Variants in ANKS1B observed in about 807,000 individuals in gnomAD.
ANKS1B encodes ankyrin repeat and sterile alpha motif domain containing 1B.
Under a neutral mutation model 148.3 loss-of-function variants are expected in ANKS1B, and 36 were observed. That is an observed-to-expected ratio of 0.24 (90% CI 0.19 to 0.32). The LOEUF (loss-of-function observed/expected upper bound fraction) is 0.32, where lower values mean the gene tolerates loss of function less well. Among genes scored for constraint, ANKS1B ranks in the 10% least tolerant of loss-of-function variants. The pLI, the probability that ANKS1B is intolerant of heterozygous loss-of-function variation, is 1.00. For missense variants in ANKS1B, 1,157 were observed against 1,542.6 expected (o/e 0.75, Z 4.19); for synonymous variants, 542 against 560.8 (o/e 0.97, Z 0.47).
rs73151170 is a variant in ANKS1B, at chr12:99,403,282, G to A, written c.1576-3471C>T. Among the ~76,000 whole-genome samples the A allele has an allele frequency of 3.9e-4, 54 of 137,606 alleles. 4 individuals are homozygous for A. Among genetic ancestry groups the A allele is most frequent in the Non-Finnish European group, 6.9e-4 (44 of 64,170 alleles). The allele number at this position is 137,606 out of a possible 152,430, so 90.3% of individuals were successfully genotyped here. On this transcript the variant is annotated intron_variant, in intron 11 of 26. Transcript: ENST00000683438. Reference sequence around the variant, plus strand: ...AGTGATTCTTGTGCCTCAGGGCCTCGAGTAGCTGGGATTACAGGCAAGCAT... The same window carrying A: ...AGTGATTCTTGTGCCTCAGGGCCTCAAGTAGCTGGGATTACAGGCAAGCAT...
At chr12:99,346,928 A>G (rs377527964) in intron 12 of ANKS1B, among the ~76,000 whole-genome samples, 6 of 151,962 alleles carry the variant, frequency 3.9e-5, no homozygotes, top group African/African-American at 1.4e-4. Context: ...CCAGTGGAAG[A>G]GGTTTATAGT....
intron 15 of ANKS1B, among the ~76,000 whole-genome samples, chr12:99,121,185 C>T (rs2062720687): frequency 6.6e-6 from 1 of 150,688 alleles, no homozygotes; most frequent in African/African-American, 2.4e-5. Flanking sequence ...TAAGGTAAAT[C>T]CAGGGTAGTG....
chr12:99,955,200 G>A (rs1482018806), intron 1 of ANKS1B, among the ~76,000 whole-genome samples: 1 of 151,944 alleles, frequency 6.6e-6, no homozygotes, highest in East Asian at 1.9e-4. Context: ...AACATAACCT[G>A]ACTAATCCTA....
chr12:98,836,472 GAAATCC>G (rs1333061432), intron 17 of ANKS1B, among the ~76,000 whole-genome samples: 1 of 152,140 alleles, frequency 6.6e-6, no homozygotes, highest in African/African-American at 2.4e-5. Flanking sequence ...TTGACAGTAA[GAAATCC>G]AATTGGCAAA....
chr12:99,444,718 T>A (rs965117037), intron 10 of ANKS1B, among the ~76,000 whole-genome samples: 2 of 151,852 alleles, frequency 1.3e-5, no homozygotes, highest in African/African-American at 4.8e-5. Flanking sequence ...GCCAAAAAAA[T>A]AAAAAATAAA....
At chr12:99,056,554 A>T (rs1409979229) in intron 16 of ANKS1B, among the ~76,000 whole-genome samples, 1 of 152,204 alleles carries the variant, frequency 6.6e-6, no homozygotes, top group Non-Finnish European at 1.5e-5. Context: ...GTACCTTTGT[A>T]TAAAAGCCTG....
At chr12:99,104,552 A>G (rs2058713584) in intron 15 of ANKS1B, 1 of 152,192 alleles carries the variant, frequency 6.6e-6, no homozygotes, top group Non-Finnish European at 1.5e-5. Flanking sequence ...CTATGAGCCC[A>G]TATATCCTTC....
At chr12:98,779,113 CT>C (rs2153506728) in intron 24 of ANKS1B, among the ~76,000 whole-genome samples, 1 of 152,326 alleles carries the variant, frequency 6.6e-6, no homozygotes, top group East Asian at 1.9e-4. Context: ...AAAAAATATG[CT>C]GACCTTCTTT....
intron 1 of ANKS1B, among the ~76,000 whole-genome samples, chr12:99,948,973 C>G (rs959756652): frequency 2.6e-5 from 4 of 152,064 alleles, no homozygotes; most frequent in Non-Finnish European, 5.9e-5. Context: ...GAGAAGCACA[C>G]AAATGACTAT....
intron 19 of ANKS1B, among the ~76,000 whole-genome samples, chr12:98,823,012 G>T (rs1185598756): frequency 6.6e-6 from 1 of 152,194 alleles, no homozygotes; most frequent in Non-Finnish European, 1.5e-5. Flanking sequence ...GGGTGTATTT[G>T]CTAAAAGAAA....
In ANKS1B at chr12:98,788,230, C is replaced by T. The variant is rs1049508595; in HGVS notation, c.3343-6093G>A. On this transcript the variant is annotated intron_variant, in intron 22 of 26. Coordinates refer to ENST00000683438, the MANE Select transcript of ANKS1B (RefSeq NM_001352186.2). ...GACCAGCCGGACCAACATGGTGAAA[C>T]CCCCCATCTCTAGAAAAGAGAAGAA... 7.5e-5 allele frequency among the ~76,000 whole-genome samples: 11 copies of T among 147,182 alleles called. 1 individual carries two copies. Among genetic ancestry groups the T allele is most frequent in the Admixed American group, 2.1e-4 (3 of 14,466 alleles).
At chr12:99,483,248 T>C (rs1435271433) in intron 10 of ANKS1B, among the ~76,000 whole-genome samples, 2 of 152,058 alleles carry the variant, frequency 1.3e-5, no homozygotes, top group Non-Finnish European at 2.9e-5. Context: ...TCTGCATCTA[T>C]TGAGATGATC....
At chr12:99,921,006 A>T (rs1603458870) in intron 1 of ANKS1B, among the ~76,000 whole-genome samples, 1 of 152,180 alleles carries the variant, frequency 6.6e-6, no homozygotes, top group East Asian at 1.9e-4. Context: ...AAAATTAGCC[A>T]TCACACCACC....
At chr12:99,183,002 C>T (rs1371394576) in intron 14 of ANKS1B, among the ~76,000 whole-genome samples, 1 of 152,126 alleles carries the variant, frequency 6.6e-6, no homozygotes, top group Non-Finnish European at 1.5e-5. Flanking sequence ...AGTTTTAAAT[C>T]AAATTATTAG....
intron 15 of ANKS1B, among the ~76,000 whole-genome samples, chr12:99,141,587 C>A (rs1446237907): frequency 6.6e-6 from 1 of 151,832 alleles, no homozygotes; most frequent in African/African-American, 2.4e-5. Context: ...CCCCAACCCC[C>A]ACCCCTGATA....
At chr12:99,434,032 G>T (rs1729564738) in intron 11 of ANKS1B, among the ~76,000 whole-genome samples, 1 of 152,118 alleles carries the variant, frequency 6.6e-6, no homozygotes, top group Non-Finnish European at 1.5e-5. Context: ...ATTAATTAAT[G>T]ATGTCCTTTG....
At chr12:99,306,511 T>C (rs2082366708) in intron 12 of ANKS1B, among the ~76,000 whole-genome samples, 1 of 152,090 alleles carries the variant, frequency 6.6e-6, no homozygotes, top group South Asian at 2.1e-4. Flanking sequence ...GAGCCCTTCA[T>C]GTAATTGAAT....
intron 16 of ANKS1B, among the ~76,000 whole-genome samples, chr12:99,066,771 A>T (rs1301872588): frequency 6.6e-6 from 1 of 152,234 alleles, no homozygotes; most frequent in Non-Finnish European, 1.5e-5. Flanking sequence ...TTGACGGTAG[A>T]CCAGCATAAT....
intron 8 of ANKS1B, among the ~76,000 whole-genome samples, chr12:99,685,112 A>G (rs1185984874): frequency 2.0e-5 from 3 of 152,196 alleles, no homozygotes; most frequent in Non-Finnish European, 2.9e-5. Flanking sequence ...ACAGCAAAAG[A>G]AATAATCAGC....
Sources: gnomAD v4.1 joint callset for allele counts (sites outside exome capture counted in the v4.1 genomes callset) on GRCh38, gnomAD v4.1.1 for gene constraint, MANE v1.5 for transcripts, NCBI Gene and HGNC (gene_info 2026-07-23, HGNC 2026-07-21) for gene names.